SPINK8: variants seen among roughly 807,000 people sequenced by gnomAD.
The protein encoded by SPINK8 is serine peptidase inhibitor Kazal type 8 (putative), also known as serine protease inhibitor Kazal-type 8.
SPINK8 carries 12 observed loss-of-function variants against 14.4 expected under a neutral mutation model. The observed-to-expected ratio is 0.83, with a 90% confidence interval of 0.53 to 1.35. The LOEUF (loss-of-function observed/expected upper bound fraction) is 1.35, where lower values mean the gene tolerates loss of function less well. Among genes scored for constraint, SPINK8 ranks in the 40% most tolerant of loss-of-function variants. The pLI, the probability that SPINK8 is intolerant of heterozygous loss-of-function variation, is 0.00. For missense variants in SPINK8, 103 were observed against 117.0 expected (o/e 0.88, Z 0.55); for synonymous variants, 32 against 37.6 (o/e 0.85, Z 0.55).
chr3:48,317,235 T>G (rs2036005044), intron 6 of SPINK8, among the ~76,000 whole-genome samples: 1 of 152,182 alleles, frequency 6.6e-6, no homozygotes, highest in Non-Finnish European at 1.5e-5. Flanking sequence ...ATGCCTGTAA[T>G]CCCAGCACTT....
chr3:48,331,662 A>G (rs2036263475), intron 2 of SPINK8, among the ~76,000 whole-genome samples: 1 of 152,132 alleles, frequency 6.6e-6, no homozygotes. Flanking sequence ...TGTTTTTGCT[A>G]GAATGTCTCT....
intron 2 of SPINK8, among the ~76,000 whole-genome samples, 166 bp downstream of exon 2, chr3:48,332,200 T>A (rs534796979): frequency 1.1e-4 from 17 of 152,364 alleles, no homozygotes; most frequent in African/African-American, 3.8e-4. Context: ...CTGAAGGCCA[T>A]GACTAAAGCG....
chr3:48,318,301 C>T (rs553501512), intron 6 of SPINK8, among the ~76,000 whole-genome samples: 54 of 152,050 alleles, frequency 3.6e-4, no homozygotes, highest in Admixed American at 2.0e-4. Context: ...CCACCACACC[C>T]GGCTAATTTT....
At chr3:48,307,375 C>CT (rs201393297) in intron 7 of SPINK8, among the ~76,000 whole-genome samples, 3,261 of 151,740 alleles carry the variant, frequency 0.021, 135 homozygotes, top group African/African-American at 0.074. Context: ...TTTCCCTTTC[C>CT]TTTCCCTTCT....
At chr3:48,310,863 A>C (rs1262334311) in intron 6 of SPINK8, among the ~76,000 whole-genome samples, 3 of 152,218 alleles carry the variant, frequency 2.0e-5, no homozygotes, top group Non-Finnish European at 4.4e-5. Flanking sequence ...ATACAAGAGG[A>C]GGGAACACTT....
intron 7 of SPINK8, among the ~76,000 whole-genome samples, chr3:48,307,621 A>G (rs1421966212): frequency 2.7e-5 from 4 of 149,614 alleles, no homozygotes; most frequent in African/African-American, 7.5e-5. Context: ...GAAGGTGCCA[A>G]TAGCTCATTG....
At chr3:48,309,146 A>C (rs994804506) in intron 7 of SPINK8, among the ~76,000 whole-genome samples, 1 of 152,192 alleles carries the variant, frequency 6.6e-6, no homozygotes, top group South Asian at 2.1e-4. Context: ...CATTGTCATA[A>C]AATTATTACT....
chr3:48,326,984 G>T (rs1313425362), intron 4 of SPINK8, among the ~76,000 whole-genome samples: 10 of 152,088 alleles, frequency 6.6e-5, no homozygotes, highest in Non-Finnish European at 1.5e-4. Flanking sequence ...GTGTGTTCAG[G>T]TACCACTCCT....
At chr3:48,307,512 C>T in intron 7 of SPINK8, among the ~76,000 whole-genome samples, 1 of 145,548 alleles carries the variant, frequency 6.9e-6, no homozygotes, top group Admixed American at 7.0e-5. Flanking sequence ...TCTTCCTACT[C>T]TCTCTCTCTC....
In SPINK8 at chr3:48,330,433, C is replaced by T. The variant is rs531924986; in HGVS notation, c.-135-1159G>A. Among the ~76,000 whole-genome samples, 261 of 152,236 alleles carry T rather than the reference C, an allele frequency of 1.7e-3. 2 individuals are homozygous for T. Among genetic ancestry groups the T allele is most frequent in the Middle Eastern group, 3.4e-3 (1 of 294 alleles). On this transcript the variant is annotated intron_variant, in intron 2 of 7. Transcript: ENST00000434006. Reference sequence around the variant, plus strand: ...ACTCATGAGGCTGAGGCATGAGAATCGCTTGAACCCAAGAGGCAGAGGTTG... The same window carrying T: ...ACTCATGAGGCTGAGGCATGAGAATTGCTTGAACCCAAGAGGCAGAGGTTG...
intron 2 of SPINK8, among the ~76,000 whole-genome samples, 165 bp downstream of exon 2, chr3:48,332,201 G>T (rs2036275149): frequency 6.6e-6 from 1 of 152,234 alleles, no homozygotes. Context: ...TGAAGGCCAT[G>T]ACTAAAGCGG....
At chr3:48,322,342 GT>G (rs1367117285) in intron 4 of SPINK8, among the ~76,000 whole-genome samples, 57 of 140,958 alleles carry the variant, frequency 4.0e-4, no homozygotes, top group Admixed American at 1.4e-3. Context: ...GTTTCTTTTT[GT>G]TTTTTTTTTT....
In SPINK8 at chr3:48,327,189, A is replaced by G. The variant is rs375326455; in HGVS notation, c.67+1086T>C. ...ATGACAACTATTGTAGCAGTGGTAC[A>G]TGGGTTAGAGTAAGTCAAGTTAGAG... is the stretch of plus-strand genomic sequence containing the variant. On this transcript the variant is annotated intron_variant, in intron 4 of 7. Transcript: ENST00000434006. Among the ~76,000 whole-genome samples the G allele has an allele frequency of 5.3e-5, 8 of 152,370 alleles. No individual in the cohort carries two copies. The East Asian group carries it at 1.5e-3, about 29-fold the overall frequency.
chr3:48,311,068 C>G (rs2035918493), intron 6 of SPINK8, among the ~76,000 whole-genome samples: 1 of 144,472 alleles, frequency 6.9e-6, no homozygotes, highest in South Asian at 2.3e-4. Flanking sequence ...CCCAAGAATT[C>G]AGAGCGTTTC....
chr3:48,315,715 C>A (rs1575342380), intron 6 of SPINK8, among the ~76,000 whole-genome samples: 3 of 49,812 alleles, frequency 6.0e-5, no homozygotes, highest in Admixed American at 2.8e-4. Context: ...AGTAAGACTC[C>A]ATCTCAAAAA....
In SPINK8 at chr3:48,308,578, G is replaced by A. The variant is rs959593876; in HGVS notation, c.282+1326C>T. ...TTTTCTAGTCCAAATGTGATGAAAG[G>A]AAGCTCACTGTATTTGGATGCCGCA... On this transcript the variant is annotated intron_variant, in intron 7 of 7. Coordinates refer to ENST00000434006, the MANE Select transcript of SPINK8 (RefSeq NM_001080525.3). Among the ~76,000 whole-genome samples, 5 of 152,206 alleles carry A rather than the reference G, an allele frequency of 3.3e-5. No individual in the cohort carries two copies. The South Asian group carries it at 1.0e-3, about 32-fold the overall frequency.
intron 6 of SPINK8, among the ~76,000 whole-genome samples, chr3:48,316,656 C>T (rs1360580242): frequency 6.6e-6 from 1 of 152,042 alleles, no homozygotes; most frequent in East Asian, 1.9e-4. Flanking sequence ...GCCTGTAGTC[C>T]TAGCTACTCA....
At chr3:48,328,412 C>T (rs901653102) in intron 3 of SPINK8, 58 bp from the exon 4 acceptor site, 6 of 1,258,526 alleles carry the variant, frequency 4.8e-6, no homozygotes, top group Non-Finnish European at 6.8e-6. Flanking sequence ...TACAAGTTCT[C>T]ACAGAGATCC....
chr3:48,308,196 G>A (rs776186301), intron 7 of SPINK8, among the ~76,000 whole-genome samples: 11 of 151,498 alleles, frequency 7.3e-5, no homozygotes, highest in Non-Finnish European at 1.6e-4. Context: ...GGATGGTCTC[G>A]ATCTCCTGAC....
Sources: gnomAD v4.1 joint callset for allele counts (sites outside exome capture counted in the v4.1 genomes callset) on GRCh38, gnomAD v4.1.1 for gene constraint, MANE v1.5 for transcripts, NCBI Gene and HGNC (gene_info 2026-07-23, HGNC 2026-07-21) for gene names.